Variants in OXR1 observed in about 807,000 individuals in gnomAD.
The protein encoded by OXR1 is oxidation resistance protein 1.
OXR1 carries 41 observed loss-of-function variants against 104.6 expected under a neutral mutation model. The observed-to-expected ratio is 0.39, with a 90% CI of 0.31 to 0.51. OXR1 has a LOEUF of 0.51. Among genes scored for constraint, OXR1 ranks in the 20% least tolerant of loss-of-function variants. OXR1 has a pLI of 0.77. For synonymous variants in OXR1, 348 were observed against 348.4 expected (o/e 1.00, Z 0.01); for missense variants, 955 against 1,031.9 (o/e 0.93, Z 1.02).
At chr8:106,271,566 G>C in intron 1 of OXR1, 1 of 152,454 alleles carries the variant, frequency 6.6e-6, no homozygotes. Context: ...GCGCGCGCGT[G>C]TGCATGTTTC....
chr8:106,675,124 T>G (rs1005889417), intron 3 of OXR1, among the ~76,000 whole-genome samples: 4 of 152,202 alleles, frequency 2.6e-5, no homozygotes, highest in African/African-American at 9.7e-5. Context: ...AAGATATAAT[T>G]TTCGATTTGT....
At chr8:106,742,887 G>A (rs111887298) in intron 15 of OXR1, among the ~76,000 whole-genome samples, 18,744 of 152,094 alleles carry the variant, frequency 0.12, 1,452 homozygotes, top group East Asian at 0.34. Context: ...CATAGATACG[G>A]GCAAAGATTT....
intron 8 of OXR1, 119 bp from the exon 9 acceptor site, chr8:106,706,263 C>T (rs1282791327): frequency 3.4e-6 from 2 of 588,168 alleles, no homozygotes; most frequent in African/African-American, 2.0e-5. Context: ...TTTGGAGATA[C>T]GTGCTACATC....
intron 1 of OXR1, among the ~76,000 whole-genome samples, chr8:106,300,746 G>C (rs929840883): frequency 1.2e-4 from 19 of 152,146 alleles, no homozygotes; most frequent in African/African-American, 4.6e-4. Context: ...ATAAAAGTTA[G>C]TGGTATGGAT....
chr8:106,591,505 A>G (rs2130698801), intron 3 of OXR1, among the ~76,000 whole-genome samples: 1 of 152,258 alleles, frequency 6.6e-6, no homozygotes, highest in Non-Finnish European at 1.5e-5. Flanking sequence ...AAGAAAAATT[A>G]TTAAAAAATA....
chr8:106,283,526 G>A (rs1280643483), intron 1 of OXR1, among the ~76,000 whole-genome samples: 1 of 152,186 alleles, frequency 6.6e-6, no homozygotes, highest in Non-Finnish European at 1.5e-5. Context: ...TCCTTGCCTA[G>A]ATCTATACTC....
At chr8:106,504,078 T>C (rs1417624092) in intron 2 of OXR1, among the ~76,000 whole-genome samples, 4 of 152,198 alleles carry the variant, frequency 2.6e-5, no homozygotes, top group African/African-American at 9.7e-5. Context: ...TGGAATCTAG[T>C]ACAGTGCTTT....
At chr8:106,657,909 G>T in intron 3 of OXR1, 1 of 1,246,824 alleles carries the variant, frequency 8.0e-7, no homozygotes, top group South Asian at 4.2e-5. Context: ...ATGGGCCGGT[G>T]GGCGCGCTAG....
intron 1 of OXR1, among the ~76,000 whole-genome samples, chr8:106,324,734 A>G (rs1231496477): frequency 6.6e-6 from 1 of 151,956 alleles, no homozygotes; most frequent in East Asian, 1.9e-4. Context: ...GAAACTCTGT[A>G]TTGCCTGTGC....
chr8:106,714,088 T>A, intron 11 of OXR1, 103 bp downstream of exon 11: 1 of 869,356 alleles, frequency 1.2e-6, no homozygotes, highest in Non-Finnish European at 1.7e-6. Context: ...AAAAGAGGAA[T>A]TTTTTTAAAG....
At chr8:106,335,909 A>G (rs1345445227) in intron 1 of OXR1, among the ~76,000 whole-genome samples, 3 of 152,118 alleles carry the variant, frequency 2.0e-5, no homozygotes, top group African/African-American at 7.2e-5. Flanking sequence ...CAGCCTGGCC[A>G]ACATGGCAAA....
At chr8:106,703,333 A>G (rs1419097809) in intron 8 of OXR1, among the ~76,000 whole-genome samples, 2 of 152,198 alleles carry the variant, frequency 1.3e-5, no homozygotes, top group South Asian at 2.1e-4. Context: ...AGTAACCTAT[A>G]GTGCCCATTT....
chr8:106,327,267 C>G (rs900964043), intron 1 of OXR1, among the ~76,000 whole-genome samples: 8 of 152,134 alleles, frequency 5.3e-5, no homozygotes, highest in African/African-American at 1.9e-4. Context: ...TATGTCCTTT[C>G]AAAAAGCATA....
Position 106,516,538 on chromosome 8 carries a change from C to T in OXR1, c.24-2405C>T, listed in dbSNP as rs562064096. On this transcript the variant is annotated intron_variant, in intron 2 of 16. Coordinates refer to ENST00000517566, the MANE Select transcript of OXR1 (RefSeq NM_001198533.2). Reference sequence around the variant, plus strand: ...GAAGTAGGGCGCTGGATAGGGAGAACAGCCATTCCCAGTGGAAAAAAAGGG... The same window carrying T: ...GAAGTAGGGCGCTGGATAGGGAGAATAGCCATTCCCAGTGGAAAAAAAGGG... Among the ~76,000 whole-genome samples, 5 of 152,200 alleles carry T rather than the reference C, an allele frequency of 3.3e-5. No individual in the cohort carries two copies. The East Asian group carries it at 9.7e-4, about 29-fold the overall frequency.
rs115923627 is a variant in OXR1 at position 106,581,662 on chromosome 8, T to C, written c.220+62523T>C. ...ATGAATAAAATGAACTTCTAATACA[T>C]TTAATGTCACACTTGAGACAACCAT... is the stretch of plus-strand genomic sequence containing the variant. On this transcript the variant is annotated intron_variant, in intron 3 of 16. Transcript: ENST00000517566. 4.2e-3 allele frequency among the ~76,000 whole-genome samples: 645 copies of C among 152,306 alleles called. 3 individuals are homozygous for C. Among genetic ancestry groups the C allele is most frequent in the African/African-American group, 0.014 (591 of 41,560 alleles).
intron 3 of OXR1, among the ~76,000 whole-genome samples, chr8:106,557,027 T>A (rs1816336176): frequency 6.6e-6 from 1 of 152,314 alleles, no homozygotes; most frequent in South Asian, 2.1e-4. Flanking sequence ...TTTTCTTTTT[T>A]CCCCAAACTC....
At chr8:106,337,625 T>C (rs568285648) in intron 1 of OXR1, among the ~76,000 whole-genome samples, 117 of 152,368 alleles carry the variant, frequency 7.7e-4, no homozygotes, top group African/African-American at 2.6e-3. Flanking sequence ...GTTTAAAAAA[T>C]ACTTAAACAT....
chr8:106,343,536 A>G (rs1484482285), intron 1 of OXR1, among the ~76,000 whole-genome samples: 1 of 152,226 alleles, frequency 6.6e-6, no homozygotes, highest in Non-Finnish European at 1.5e-5. Context: ...ACTTTAACAT[A>G]TAGCAAGAAA....
chr8:106,286,410 A>G (rs1026391410), intron 1 of OXR1, among the ~76,000 whole-genome samples: 1 of 147,978 alleles, frequency 6.8e-6, no homozygotes, highest in African/African-American at 2.6e-5. Context: ...GAATTAAAAC[A>G]TAAATGCTGC....
Sources: gnomAD v4.1 joint callset for allele counts (sites outside exome capture counted in the v4.1 genomes callset) on GRCh38, gnomAD v4.1.1 for gene constraint, MANE v1.5 for transcripts, NCBI Gene and HGNC (gene_info 2026-07-23, HGNC 2026-07-21) for gene names.